The following KCNA2 variants were observed in gnomAD, a reference collection of about 807,000 sequenced individuals.
KCNA2 encodes the protein potassium voltage-gated channel subfamily A member 2.
In KCNA2, 11 loss-of-function variants were observed where a neutral mutation model predicts 33.4. The ratio of observed to expected loss-of-function variants is 0.33; its 90% confidence interval spans 0.21 to 0.55. The LOEUF (loss-of-function observed/expected upper bound fraction) is 0.55, where lower values mean the gene tolerates loss of function less well. Among genes scored for constraint, KCNA2 ranks in the 20% least tolerant of loss-of-function variants. The pLI, the probability that KCNA2 is intolerant of heterozygous loss-of-function variation, is 0.93. For synonymous variants in KCNA2, 222 were observed against 231.3 expected (o/e 0.96, Z 0.37); for missense variants, 291 against 621.6 (o/e 0.47, Z 5.66).
Position 110,594,215 on chromosome 1 carries a change from A to G in KCNA2, c.*9068T>C. ...AAGATTCATGCACAAGCAGCAAGGAAGCCAGTGCAAACCCTAACTGGAGTC... is the reference window on the plus strand; with the variant it reads ...AAGATTCATGCACAAGCAGCAAGGAGGCCAGTGCAAACCCTAACTGGAGTC... On this transcript the variant is annotated 3_prime_UTR_variant, in exon 3 of 3. Coordinates refer to ENST00000316361, the MANE Select transcript of KCNA2 (RefSeq NM_004974.4). 3.5e-6 allele frequency: 4 copies of G among 1,142,778 alleles called. No individual in the cohort carries two copies. Among genetic ancestry groups the G allele is most frequent in the Non-Finnish European group, 4.3e-6 (4 of 929,190 alleles). The allele number at this position is 1,142,778 out of a possible 1,614,324, so 70.8% of individuals were successfully genotyped here.
At chr1:110,626,946 C>T (rs750532407) in intron 1 of KCNA2, among the ~76,000 whole-genome samples, 3 of 152,182 alleles carry the variant, frequency 2.0e-5, no homozygotes, top group African/African-American at 4.8e-5. Context: ...AATGTGATGA[C>T]GATGACGATG....
In KCNA2 at chr1:110,599,986, G is replaced by A. The variant is rs935810833; in HGVS notation, c.*3297C>T. 1 of 985,276 alleles carries A rather than the reference G, an allele frequency of 1.0e-6. No individual in the cohort carries two copies. The highest frequency in any genetic ancestry group is 1.2e-6 in the Non-Finnish European group (1 of 829,906). 61.0% of individuals were successfully genotyped at this position (985,276 alleles called of 1,614,324 possible). A position where few individuals can be genotyped will look rare whatever the true frequency, so the allele number is the denominator to read the frequency against. On this transcript the variant is annotated 3_prime_UTR_variant, in exon 3 of 3. Coordinates refer to ENST00000316361, the MANE Select transcript of KCNA2 (RefSeq NM_004974.4). ...GGTCTTAGTCAGATATCTGCTTGAT[G>A]TGGTGGCCCATCCTCCTGCTTGAAA...
Position 110,597,300 on chromosome 1 carries a change from G to A in KCNA2, c.*5983C>T. The A allele has an allele frequency of 1.0e-6, 1 of 985,214 alleles. No individual in the cohort carries two copies. 61.0% of individuals were successfully genotyped at this position (985,214 alleles called of 1,614,324 possible). A position where few individuals can be genotyped will look rare whatever the true frequency, so the allele number is the denominator to read the frequency against. ...TTTTAGTGCATGGAAATGATCTTCT[G>A]TAATGGCTCAGGATGCTTTATTCTT... On this transcript the variant is annotated 3_prime_UTR_variant, in exon 3 of 3. Coordinates refer to ENST00000316361, the MANE Select transcript of KCNA2 (RefSeq NM_004974.4).
intron 1 of KCNA2, among the ~76,000 whole-genome samples, chr1:110,627,331 C>T (rs1488785180): frequency 1.3e-5 from 2 of 152,182 alleles, no homozygotes; most frequent in African/African-American, 2.4e-5. Context: ...CTCGGCACAC[C>T]GCTTGGCACA....
intron 1 of KCNA2, among the ~76,000 whole-genome samples, chr1:110,623,295 A>G: frequency 6.6e-6 from 1 of 152,242 alleles, no homozygotes; most frequent in East Asian, 1.9e-4. Flanking sequence ...CTAATGTCAT[A>G]AACAAAAATC....
chr1:110,596,621 G>T lies in KCNA2; in HGVS notation c.*6662C>A. 1.9e-6 allele frequency: 1 copy of T among 515,120 alleles called. No individual in the cohort carries two copies. The highest frequency in any genetic ancestry group is 2.5e-6 in the Non-Finnish European group (1 of 400,440). The allele number at this position is 515,120 out of a possible 1,614,324, so 31.9% of individuals were successfully genotyped here. On this transcript the variant is annotated 3_prime_UTR_variant, in exon 3 of 3. Coordinates refer to ENST00000316361, the MANE Select transcript of KCNA2 (RefSeq NM_004974.4). ...TTGAGGTTTACAATGTTGACCCTGA[G>T]CAAGGCAAGGTCCCTGTTATCTTCA...
At chr1:110,617,562 C>T (rs1456482897) in intron 1 of KCNA2, among the ~76,000 whole-genome samples, 1 of 152,124 alleles carries the variant, frequency 6.6e-6, no homozygotes, top group Non-Finnish European at 1.5e-5. Context: ...AGGCAGGAAA[C>T]TGGTAAGGAG....
At chr1:110,611,545 A>C (rs1404802077) in intron 1 of KCNA2, among the ~76,000 whole-genome samples, 1 of 152,322 alleles carries the variant, frequency 6.6e-6, no homozygotes, top group East Asian at 1.9e-4. Flanking sequence ...CCTAGGCAAC[A>C]TAAGGCTCCA....
chr1:110,608,266 A>G (rs1288077117), upstream of KCNA2, among the ~76,000 whole-genome samples: 2 of 152,222 alleles, frequency 1.3e-5, no homozygotes, highest in African/African-American at 4.8e-5. Flanking sequence ...GAGAAGGTCC[A>G]GGGTGCTTTT....
chr1:110,596,322 A>G lies in KCNA2; in HGVS notation c.*6961T>C. 2 of 479,324 alleles carry G rather than the reference A, an allele frequency of 4.2e-6. No individual in the cohort carries two copies. Among genetic ancestry groups the G allele is most frequent in the Admixed American group, 6.6e-5 (1 of 15,146 alleles). The allele number at this position is 479,324 out of a possible 1,614,324, so 29.7% of individuals were successfully genotyped here. A position where few individuals can be genotyped will look rare whatever the true frequency, so the allele number is the denominator to read the frequency against. ...ATTCTATAATTTAAAAATAGTATAC[A>G]TATATACATATACTATATATATATA... is the stretch of plus-strand genomic sequence containing the variant. On this transcript the variant is annotated 3_prime_UTR_variant, in exon 3 of 3. Transcript: ENST00000316361.
Position 110,594,023 on chromosome 1 carries a change from C to G in KCNA2, c.*9260G>C. The G allele has an allele frequency of 1.3e-6, 2 of 1,535,050 alleles. No individual in the cohort carries two copies. Among genetic ancestry groups the G allele is most frequent in the South Asian group, 2.5e-5 (2 of 81,094 alleles). ...GCTCCGCCTTCAGCTCTCATTGGTC[C>G]CCAGCCTCTTATCACCATGGAGACC... is the stretch of plus-strand genomic sequence containing the variant. On this transcript the variant is annotated 3_prime_UTR_variant, in exon 3 of 3. Transcript: ENST00000316361.
chr1:110,601,931 C>G lies in KCNA2; in HGVS notation c.*1352G>C. On this transcript the variant is annotated 3_prime_UTR_variant, in exon 3 of 3. Coordinates refer to ENST00000316361, the MANE Select transcript of KCNA2 (RefSeq NM_004974.4). ...GTCAAAAATATTGCATAAGCTTGTA[C>G]AATGTTCAAATGCAATTTCTTTTCT... The G allele has an allele frequency of 6.7e-7, 1 of 1,486,580 alleles. No individual in the cohort carries two copies. Among genetic ancestry groups the G allele is most frequent in the Non-Finnish European group, 8.9e-7 (1 of 1,119,218 alleles). 92.1% of individuals were successfully genotyped at this position (1,486,580 alleles called of 1,614,324 possible).
rs1649025621 is a variant in KCNA2 at position 110,594,784 on chromosome 1, T to G, written c.*8499A>C. On this transcript the variant is annotated 3_prime_UTR_variant, in exon 3 of 3. Transcript: ENST00000316361. ...CCCCCGCCAAAGCCAGCCAGGCCTC[T>G]CTTCTTGCTTTTCTATCCCATTTCT... 1.0e-6 allele frequency: 1 copy of G among 985,466 alleles called. No individual in the cohort carries two copies. The highest frequency in any genetic ancestry group is 1.2e-6 in the Non-Finnish European group (1 of 830,060). 61.0% of individuals were successfully genotyped at this position (985,466 alleles called of 1,614,324 possible).
In KCNA2 at chr1:110,598,705, G is replaced by A; in HGVS notation, c.*4578C>T. 1 of 985,298 alleles carries A rather than the reference G, an allele frequency of 1.0e-6. No individual in the cohort carries two copies. Among genetic ancestry groups the A allele is most frequent in the Non-Finnish European group, 1.2e-6 (1 of 829,906 alleles). 61.0% of individuals were successfully genotyped at this position (985,298 alleles called of 1,614,324 possible). ...CCCCTTTTAAAAGGCTAACCTCATG[G>A]TGACATGCCAACACTAGCCTCAGAA... On this transcript the variant is annotated 3_prime_UTR_variant, in exon 3 of 3. Transcript: ENST00000316361.
At chr1:110,624,568 ATACT>A (rs754473836) in intron 1 of KCNA2, among the ~76,000 whole-genome samples, 51 of 152,212 alleles carry the variant, frequency 3.4e-4, no homozygotes, top group Admixed American at 2.6e-4. Flanking sequence ...CAAAACATTA[ATACT>A]TAGTCTAAAA....
chr1:110,603,333 A>G lies in KCNA2; in HGVS notation c.1450T>C (p.Leu484=), dbSNP rs139459165. 40 of 1,613,106 alleles carry G rather than the reference A, an allele frequency of 2.5e-5. No homozygotes were observed. The highest frequency in any genetic ancestry group is 3.1e-5 in the Non-Finnish European group (37 of 1,179,722). The change falls in exon 3 of 3, where the codon TTG becomes CTG. Residue 484 remains leucine (L), a synonymous_variant. Transcript: ENST00000316361. This position sits in a 1 kb window ranked among gnomAD's most constrained non-coding sequence, Gnocchi z 5.7. ...ATATTCACATAGTTTGTGTTAGCCA[A>G]GGTACAGTTGGCTGTTTTCAAGTTT... The part of the protein sequence containing the change: ...EENLKTANCT[L]ANTNYVNITK...
At chr1:110,611,956 G>A (rs144979325) in intron 1 of KCNA2, among the ~76,000 whole-genome samples, 1,600 of 152,264 alleles carry the variant, frequency 0.011, 36 homozygotes, top group African/African-American at 0.036. Flanking sequence ...CCAGCGCGGT[G>A]GAGGTTGCAG....
upstream of KCNA2, among the ~76,000 whole-genome samples, chr1:110,610,720 C>G (rs1649834247): frequency 6.6e-6 from 1 of 152,170 alleles, no homozygotes; most frequent in African/African-American, 2.4e-5. Flanking sequence ...AACAGAGATT[C>G]CCCAGGGGTC....
At position 110,602,404 on chromosome 1, in the gene KCNA2, C is replaced by T; in HGVS notation, c.*879G>A. ...TATTGAGATTCATGCAACAAACACC[C>T]ATGCAGCTCTATTGCATCACTGGTA... On this transcript the variant is annotated 3_prime_UTR_variant, in exon 3 of 3. Coordinates refer to ENST00000316361, the MANE Select transcript of KCNA2 (RefSeq NM_004974.4). 7.3e-7 allele frequency: 1 copy of T among 1,374,642 alleles called. No homozygotes were observed. The highest frequency in any genetic ancestry group is 9.4e-7 in the Non-Finnish European group (1 of 1,066,762). 85.2% of individuals were successfully genotyped at this position (1,374,642 alleles called of 1,614,324 possible).
Sources: gnomAD v4.1 joint callset for allele counts (sites outside exome capture counted in the v4.1 genomes callset) on GRCh38, gnomAD v4.1.1 for gene constraint, Gnocchi (gnomAD v3.1) non-coding constraint, MANE v1.5 for transcripts, NCBI Gene and HGNC (gene_info 2026-07-23, HGNC 2026-07-21) for gene names.